BIRC7: variants seen among roughly 807,000 people sequenced by gnomAD.
BIRC7 encodes the protein baculoviral IAP repeat containing 7, also known as baculoviral IAP repeat-containing protein 7.
In BIRC7, 26 loss-of-function variants were observed where a neutral mutation model predicts 33.2. That is an observed-to-expected ratio of 0.78 (90% CI 0.57 to 1.09). The LOEUF is 1.09. Among genes scored for constraint, BIRC7 ranks in the 50% least tolerant of loss-of-function variants. The pLI, the probability that BIRC7 is intolerant of heterozygous loss-of-function variation, is 0.00. For missense variants in BIRC7, 409 were observed against 401.2 expected (o/e 1.02, Z -0.17); for synonymous variants, 176 against 171.0 (o/e 1.03, Z -0.23).
chr20:63,239,767 C>A (rs2123031919), intron 6 of BIRC7, among the ~76,000 whole-genome samples, 157 bp downstream of exon 6: 1 of 152,354 alleles, frequency 6.6e-6, no homozygotes, highest in Non-Finnish European at 1.5e-5. Flanking sequence ...GCCCATCAAT[C>A]TTACTACCTC....
At position 63,236,260 on chromosome 20, in the gene BIRC7, T is replaced by A; in HGVS notation, c.164T>A (p.Ile55Asn). 6.2e-7 allele frequency: 1 copy of A among 1,607,352 alleles called. No homozygotes were observed. The highest frequency in any genetic ancestry group is 1.1e-5 in the South Asian group (1 of 90,296). ...GCCTGGGACCACGTGGATGGGCAGA[T>A]CCTGGGCCAGCTGCGGCCCCTGACA... ...CRAWDHVDGQ[I>N]LGQLRPLTEE... The change falls in exon 1 of 7, where the codon ATC (isoleucine) becomes AAC (asparagine). Residue 55 changes from isoleucine (I) to asparagine (N), a missense_variant. Coordinates refer to ENST00000217169, the MANE Select transcript of BIRC7 (RefSeq NM_139317.3).
Position 63,239,276 on chromosome 20 carries a change from G to A in BIRC7, c.649+43G>A, listed in dbSNP as rs752950376. The A allele has an allele frequency of 2.4e-5, 39 of 1,609,568 alleles. No homozygotes were observed. The Middle Eastern group carries it at 5.0e-4, about 20-fold the overall frequency. The stretch of plus-strand genomic sequence containing the variant: ...CCTGGGTGAGGGCTGGGGCAGGGGA[G>A]GGCTGAGGGACCCCGACCTTCCATG... On this transcript the variant is annotated intron_variant, in intron 5 of 6. Transcript: ENST00000217169.
rs770177059 is a variant in BIRC7, at chr20:63,239,523, G to C, written c.815G>C (p.Cys272Ser). The change falls in exon 6 of 7, where the codon TGT becomes TCT. Residue 272 changes from cysteine to serine, a missense_variant. Transcript: ENST00000217169. ...IVFVPCGHLV[C>S]AECAPGLQLC... ...TTTGTGCCGTGCGGCCACCTGGTCT[G>C]TGCTGAGTGTGCCCCCGGCCTGCAG... 3.1e-6 allele frequency: 5 copies of C among 1,605,302 alleles called. No homozygotes were observed. The Admixed American group carries it at 8.3e-5, about 27-fold the overall frequency.
intron 2 of BIRC7, 92 bp from the exon 3 acceptor site, chr20:63,238,304 A>C (rs939540240): frequency 4.1e-6 from 6 of 1,455,604 alleles, no homozygotes; most frequent in Non-Finnish European, 5.7e-6. Flanking sequence ...TGGCGGGAGG[A>C]GGGGGCCCAA....
Position 63,236,568 on chromosome 20 carries a change from C to T in BIRC7, c.349+123C>T, listed in dbSNP as rs1460710847. 40 of 1,350,810 alleles carry T rather than the reference C, an allele frequency of 3.0e-5. No individual in the cohort carries two copies. In the East Asian group the frequency reaches 5.2e-4, roughly 18 times the overall value. The allele number at this position is 1,350,810 out of a possible 1,614,324, so 83.7% of individuals were successfully genotyped here. On this transcript the variant is annotated intron_variant, in intron 1 of 6. Transcript: ENST00000217169. ...CAACAGGAAGGGTCTGGCCTGATGA[C>T]GGAGCAGTGGTCCTGCAAGCCCCTC...
rs1292557119 is a variant in BIRC7 at position 63,236,340 on chromosome 20, C to G, written c.244C>G (p.Pro82Ala). Reference protein sequence around the residue: ...GATLSRGPAFPGMGSEELRLA... With the variant: ...GATLSRGPAFAGMGSEELRLA... ...CACCTTGTCCAGGGGGCCTGCCTTC[C>G]CCGGCATGGGCTCTGAGGAGTTGCG... The change falls in exon 1 of 7, where the codon CCC (proline) becomes GCC (alanine). Residue 82 changes from proline to alanine, a missense_variant. Transcript: ENST00000217169. 6.2e-7 allele frequency: 1 copy of G among 1,604,148 alleles called. No individual in the cohort carries two copies. Among genetic ancestry groups the G allele is most frequent in the African/African-American group, 1.3e-5 (1 of 74,774 alleles).
At position 63,237,819 on chromosome 20, in the gene BIRC7, A is replaced by T. The variant is rs139816557; in HGVS notation, c.350-84A>T. On this transcript the variant is annotated intron_variant, in intron 1 of 6. Coordinates refer to ENST00000217169, the MANE Select transcript of BIRC7 (RefSeq NM_139317.3). ...CACCTGGGAGCTCCCCTCCAGCTGA[A>T]GCTCTCATAGCCTTGGAAGGACACA... 3.0e-3 allele frequency: 3,662 copies of T among 1,217,078 alleles called. 129 individuals carry two copies. In the Admixed American group the frequency reaches 0.078, roughly 26 times the overall value. 75.4% of individuals were successfully genotyped at this position (1,217,078 alleles called of 1,614,324 possible).
chr20:63,240,048 G>T (rs1025896903), intron 6 of BIRC7, among the ~76,000 whole-genome samples: 2 of 152,262 alleles, frequency 1.3e-5, no homozygotes, highest in Admixed American at 6.5e-5. Context: ...TGTTCTTAGA[G>T]AAGTGGGTGG....
intron 2 of BIRC7, 141 bp from the exon 3 acceptor site, chr20:63,238,255 C>T (rs6010878): frequency 9.3e-7 from 1 of 1,072,910 alleles, no homozygotes; most frequent in Admixed American, 2.0e-5. Flanking sequence ...GGCGTCTCCA[C>T]AGCAGCCCTC....
At chr20:63,237,582 GA>G (rs1247809476) in intron 1 of BIRC7, among the ~76,000 whole-genome samples, 5 of 152,064 alleles carry the variant, frequency 3.3e-5, no homozygotes, top group Admixed American at 2.6e-4. Context: ...TCTGGCTCCT[GA>G]AGCCCCAGGG....
In BIRC7 at chr20:63,236,252, T is replaced by A; in HGVS notation, c.156T>A (p.Asp52Glu). Residue 52 changes from aspartate (D) to glutamate (E), a missense_variant, in exon 1 of 7, where the codon GAT becomes GAA. Asp to Glu is a conservative substitution (Grantham distance 45). Coordinates refer to ENST00000217169, the MANE Select transcript of BIRC7 (RefSeq NM_139317.3). Reference protein sequence around the residue: ...LDTCRAWDHVDGQILGQLRPL... With the variant: ...LDTCRAWDHVEGQILGQLRPL... The stretch of plus-strand genomic sequence containing the variant: ...CCTGCAGAGCCTGGGACCACGTGGA[T>A]GGGCAGATCCTGGGCCAGCTGCGGC... 6.2e-7 allele frequency: 1 copy of A among 1,605,100 alleles called. No homozygotes were observed. Among genetic ancestry groups the A allele is most frequent in the Non-Finnish European group, 8.5e-7 (1 of 1,175,978 alleles).
At chr20:63,237,790 T>A in intron 1 of BIRC7, 113 bp from the exon 2 acceptor site, 10 of 804,446 alleles carry the variant, frequency 1.2e-5, no homozygotes, top group East Asian at 3.2e-5. Context: ...CTCCTCCTTC[T>A]TGCCACCTGG....
At position 63,236,159 on chromosome 20, in the gene BIRC7, C is replaced by T. The variant is rs756693807; in HGVS notation, c.63C>T (p.Ala21=). The change falls in exon 1 of 7, where the codon GCC becomes GCT. Residue 21 remains alanine, a synonymous_variant. Transcript: ENST00000217169. ...GACCACAGCCGAGCCACTGGGCAGCCGGTGATGGTCCCACGCAGGAGCGCT... is the reference window on the plus strand; with the variant it reads ...GACCACAGCCGAGCCACTGGGCAGCTGGTGATGGTCCCACGCAGGAGCGCT... The part of the protein sequence containing the change: ...HRGPQPSHWA[A]GDGPTQERCG... The T allele has an allele frequency of 8.2e-6, 13 of 1,592,008 alleles. No individual in the cohort carries two copies. Among genetic ancestry groups the T allele is most frequent in the Admixed American group, 6.9e-5 (4 of 57,630 alleles).
At chr20:63,239,305 C>T in intron 5 of BIRC7, 53 bp from the exon 6 acceptor site, 2 of 1,605,370 alleles carry the variant, frequency 1.2e-6, no homozygotes, top group Non-Finnish European at 8.5e-7. Context: ...TTCCATGGCC[C>T]ATAGAGGGTG....
intron 1 of BIRC7, 116 bp from the exon 2 acceptor site, chr20:63,237,787 T>G: frequency 1.3e-5 from 8 of 616,324 alleles, no homozygotes; most frequent in Non-Finnish European, 1.8e-5. Flanking sequence ...CCCCTCCTCC[T>G]TCTTGCCACC....
In BIRC7 at chr20:63,237,914, A is replaced by C. The variant is rs765140235; in HGVS notation, c.361A>C (p.Lys121Gln). The C allele has an allele frequency of 6.2e-7, 1 of 1,604,986 alleles. No individual in the cohort carries two copies. Among genetic ancestry groups the C allele is most frequent in the Non-Finnish European group, 8.5e-7 (1 of 1,177,110 alleles). ...TCTCCGCACCCCAGGCCATCAGGAC[A>C]AGGTGAGGTGCTTCTTCTGCTATGG... ...AGFFHTGHQD[K>Q]VRCFFCYGGL... is the part of the protein sequence containing the mutation. The change falls in exon 2 of 7, where the codon AAG becomes CAG. Residue 121 changes from lysine (K) to glutamine (Q), a missense_variant. Coordinates refer to ENST00000217169, the MANE Select transcript of BIRC7 (RefSeq NM_139317.3).
In BIRC7 at chr20:63,236,116, C is replaced by T. The variant is rs559914820; in HGVS notation, c.20C>T (p.Ala7Val). 4.5e-6 allele frequency: 7 copies of T among 1,563,650 alleles called. No individual in the cohort carries two copies. The East Asian group carries it at 1.7e-4, about 37-fold the overall frequency. Residue 7 changes from alanine to valine, a missense_variant, in exon 1 of 7, where the codon GCC becomes GTC. Physicochemically the swap from Ala to Val is moderately conservative, Grantham distance 64. Coordinates refer to ENST00000217169, the MANE Select transcript of BIRC7 (RefSeq NM_139317.3). Reference sequence around the variant, plus strand: ...CCCTCCATGGGACCTAAAGACAGTGCCAAGTGCCTGCACCGTGGACCACAG... The same window carrying T: ...CCCTCCATGGGACCTAAAGACAGTGTCAAGTGCCTGCACCGTGGACCACAG... MGPKDSAKCLHRGPQPS... is the reference protein window; with the variant it reads MGPKDSVKCLHRGPQPS...
In BIRC7 at chr20:63,237,097, C is replaced by A. The variant is rs376116897; in HGVS notation, c.349+652C>A. 1.6e-3 allele frequency among the ~76,000 whole-genome samples: 245 copies of A among 152,362 alleles called. 1 individual carries two copies. Among genetic ancestry groups the A allele is most frequent in the African/African-American group, 5.5e-3 (229 of 41,580 alleles). ...GCAGCAGGGCCCACCGAGGGCTTTA[C>A]AAATACTGGCACAGCCATGGTCATT... is the stretch of plus-strand genomic sequence containing the variant. On this transcript the variant is annotated intron_variant, in intron 1 of 6. Transcript: ENST00000217169.
rs1007676923 is a variant in BIRC7 at position 63,236,137 on chromosome 20, C to A, written c.41C>A (p.Pro14Gln). The A allele has an allele frequency of 1.3e-6, 2 of 1,580,910 alleles. No homozygotes were observed. Among genetic ancestry groups the A allele is most frequent in the East Asian group, 2.3e-5 (1 of 42,750 alleles). The part of the protein sequence containing the change: ...KDSAKCLHRG[P>Q]QPSHWAAGDG... ...AGTGCCAAGTGCCTGCACCGTGGAC[C>A]ACAGCCGAGCCACTGGGCAGCCGGT... is the stretch of plus-strand genomic sequence containing the variant. The change falls in exon 1 of 7, where the codon CCA becomes CAA. Residue 14 changes from proline to glutamine, a missense_variant. By Grantham distance (76) the Pro-to-Gln change is moderately conservative. Coordinates refer to ENST00000217169, the MANE Select transcript of BIRC7 (RefSeq NM_139317.3).
Sources: gnomAD v4.1 joint callset for allele counts (sites outside exome capture counted in the v4.1 genomes callset) on GRCh38, gnomAD v4.1.1 for gene constraint, MANE v1.5 for transcripts, NCBI Gene and HGNC (gene_info 2026-07-23, HGNC 2026-07-21) for gene names.